The following SVIL variants were observed in gnomAD, a reference collection of about 807,000 sequenced individuals.
SVIL encodes supervillin, also known as archvillin.
In SVIL, 101 loss-of-function variants were observed where a neutral mutation model predicts 240.4. The ratio of observed to expected loss-of-function variants is 0.42; its 90% CI spans 0.36 to 0.50. The LOEUF is 0.50. Ranked by LOEUF, SVIL falls within the 20% of genes least tolerant of loss-of-function variation. The pLI, the probability that SVIL is intolerant of heterozygous loss-of-function variation, is 0.01. For synonymous variants in SVIL, 999 were observed against 1,100.0 expected (o/e 0.91, Z 1.82); for missense variants, 2,512 against 2,818.7 (o/e 0.89, Z 2.46).
rs529895913 is a variant in SVIL, at chr10:29,655,716, G to A, written c.-201+2253C>T. On this transcript the variant is annotated intron_variant, in intron 3 of 35. Transcript: ENST00000375400. Reference sequence around the variant, plus strand: ...CTGTTCACAAATACTGAACAGAAGTGGTGAGAATGGATATCCTTGTCTTGT... The same window carrying A: ...CTGTTCACAAATACTGAACAGAAGTAGTGAGAATGGATATCCTTGTCTTGT... Among the ~76,000 whole-genome samples, 178 of 152,286 alleles carry A rather than the reference G, an allele frequency of 1.2e-3. 1 individual carries two copies. Among genetic ancestry groups the A allele is most frequent in the South Asian group, 0.011 (52 of 4,828 alleles).
rs2132250000 is a variant in SVIL, at chr10:29,457,371, C to T, written c.*876G>A. 1 of 150,634 alleles carries T rather than the reference C, an allele frequency of 6.6e-6. No individual in the cohort carries two copies. The highest frequency in any genetic ancestry group is 3.5e-3 in the Middle Eastern group (1 of 286). The allele number at this position is 150,634 out of a possible 1,614,324, so 9.3% of individuals were successfully genotyped here. ...GAACCAGTTAATTGTTGTGTTTATTCTGATACTTTTATTTGGGAGTCCTAT... is the reference window on the plus strand; with the variant it reads ...GAACCAGTTAATTGTTGTGTTTATTTTGATACTTTTATTTGGGAGTCCTAT... On this transcript the variant is annotated 3_prime_UTR_variant, in exon 38 of 38. Transcript: ENST00000355867.
chr10:29,568,233 A>ATAAG (rs1955149660), intron 2 of SVIL, among the ~76,000 whole-genome samples: 1 of 151,734 alleles, frequency 6.6e-6, no homozygotes, highest in Non-Finnish European at 1.5e-5. Context: ...TAAAAATTAA[A>ATAAG]GCATAAACAC....
chr10:29,626,803 T>C (rs1957889694), intron 1 of SVIL, among the ~76,000 whole-genome samples: 1 of 152,046 alleles, frequency 6.6e-6, no homozygotes, highest in Non-Finnish European at 1.5e-5. Context: ...GGCGGGTGGA[T>C]CACGAGGTCA....
intron 17 of SVIL, among the ~76,000 whole-genome samples, chr10:29,503,033 T>A (rs2132447791): frequency 6.6e-6 from 1 of 152,012 alleles, no homozygotes; most frequent in Admixed American, 6.5e-5. Context: ...GCTTTTAAAA[T>A]TTTTTTTATC....
In SVIL at chr10:29,728,647, C is replaced by G. The variant is rs530110124; in HGVS notation, c.-400+7104G>C. On this transcript the variant is annotated intron_variant, in intron 1 of 35. Transcript: ENST00000375400. The stretch of plus-strand genomic sequence containing the variant: ...AGGAAGGAAGGGAAAAAGAGTAGAG[C>G]AGCCTTGGATAGAAACAAAGCCATG... Among the ~76,000 whole-genome samples the G allele has an allele frequency of 3.2e-4, 49 of 152,240 alleles. No individual in the cohort carries two copies. The South Asian group carries it at 0.01, about 32-fold the overall frequency.
intron 1 of SVIL, among the ~76,000 whole-genome samples, chr10:29,687,108 T>C (rs992829236): frequency 1.3e-5 from 2 of 152,194 alleles, no homozygotes; most frequent in Non-Finnish European, 2.9e-5. Flanking sequence ...CATAGGTAAG[T>C]AAACTTTTTG....
Position 29,457,622 on chromosome 10 carries a change from A to G in SVIL, c.*625T>C, listed in dbSNP as rs1015604079. 4 of 152,676 alleles carry G rather than the reference A, an allele frequency of 2.6e-5. No homozygotes were observed. The highest frequency in any genetic ancestry group is 6.5e-5 in the Admixed American group (1 of 15,288). The allele number at this position is 152,676 out of a possible 1,614,324, so 9.5% of individuals were successfully genotyped here. On this transcript the variant is annotated 3_prime_UTR_variant, in exon 38 of 38. Transcript: ENST00000355867. ...GCATAGATTCTCCAGAGTCCATGCC[A>G]TTAAGTACAAATTCTTTGTTCATTT...
chr10:29,614,504 C>A lies in SVIL; in HGVS notation c.-201+19916G>T, dbSNP rs567361527. Reference sequence around the variant, plus strand: ...CCCTAAAAAAGGATGAGTTCATGTCCTTTGCAGGGACATGGATGAAGCTGG... The same window carrying A: ...CCCTAAAAAAGGATGAGTTCATGTCATTTGCAGGGACATGGATGAAGCTGG... On this transcript the variant is annotated intron_variant, in intron 1 of 37. Transcript: ENST00000355867. Among the ~76,000 whole-genome samples, 224 of 152,268 alleles carry A rather than the reference C, an allele frequency of 1.5e-3. 1 individual carries two copies. Among genetic ancestry groups the A allele is most frequent in the Admixed American group, 3.1e-3 (48 of 15,292 alleles).
chr10:29,729,157 T>A (rs1964456840), intron 1 of SVIL, among the ~76,000 whole-genome samples: 1 of 152,086 alleles, frequency 6.6e-6, no homozygotes, highest in African/African-American at 2.4e-5. Context: ...CTAAGGGAAA[T>A]GGCTCTTATT....
rs984198485 is a variant in SVIL, at chr10:29,532,586, A to G, written c.1781T>C (p.Val594Ala). 5 of 1,613,824 alleles carry G rather than the reference A, an allele frequency of 3.1e-6. No homozygotes were observed. In the African/African-American group the frequency reaches 6.7e-5, roughly 22 times the overall value. The change falls in exon 8 of 38, where the codon GTC (valine) becomes GCC (alanine). Residue 594 changes from valine (V) to alanine (A), a missense_variant. Transcript: ENST00000355867. ...EISMLDTKVSVAQLRSAFLAS... is the reference protein window; with the variant it reads ...EISMLDTKVSAAQLRSAFLAS... ...CAGGAACGCACTTCGGAGCTGGGCG[A>G]CAGAGACTTTTGTGTCCAGCATGCT...
chr10:29,596,487 A>G (rs77286433), intron 1 of SVIL, among the ~76,000 whole-genome samples: 8,213 of 152,142 alleles, frequency 0.054, 361 homozygotes, highest in South Asian at 0.13. Context: ...AGAAAAAAAA[A>G]TTATTTGCCT....
At chr10:29,458,818 A>AT in intron 36 of SVIL, 1 of 306,190 alleles carries the variant, frequency 3.3e-6, no homozygotes, top group Non-Finnish European at 5.9e-6. Context: ...AAAAAATGGT[A>AT]TTTTTTGAGA....
chr10:29,460,245 G>C (rs1260204322), intron 36 of SVIL, among the ~76,000 whole-genome samples: 1 of 152,124 alleles, frequency 6.6e-6, no homozygotes, highest in Non-Finnish European at 1.5e-5. Context: ...TATCTTGATG[G>C]ACTGTTGTGA....
Position 29,624,359 on chromosome 10 carries a change from G to A in SVIL, c.-201+10061C>T, listed in dbSNP as rs181422942. Among the ~76,000 whole-genome samples the A allele has an allele frequency of 4.1e-3, 617 of 152,088 alleles. 6 individuals carry two copies. The highest frequency in any genetic ancestry group is 0.014 in the African/African-American group (588 of 41,516). ...TCAAGACCAGCCTGGCCAACATGGC[G>A]AAACCCCATCTCTACTAAAAATACA... On this transcript the variant is annotated intron_variant, in intron 1 of 37. Coordinates refer to ENST00000355867, the MANE Select transcript of SVIL (RefSeq NM_021738.3).
At chr10:29,583,330 C>T (rs577129659) in intron 1 of SVIL, among the ~76,000 whole-genome samples, 68 of 152,262 alleles carry the variant, frequency 4.5e-4, no homozygotes, top group South Asian at 1.0e-3. Context: ...CAGGGTCTGG[C>T]TCTGTTGCCC....
At chr10:29,702,554 G>A (rs547442101) in intron 1 of SVIL, among the ~76,000 whole-genome samples, 15 of 152,282 alleles carry the variant, frequency 9.9e-5, no homozygotes, top group Middle Eastern at 6.8e-3. Flanking sequence ...ACACGTTCAC[G>A]AGGTTTATCA....
chr10:29,629,043 G>C (rs908373774), intron 1 of SVIL, among the ~76,000 whole-genome samples: 6 of 151,638 alleles, frequency 4.0e-5, no homozygotes, highest in Non-Finnish European at 7.4e-5. Context: ...TGTCCAAGAG[G>C]AGAAGACAGA....
At chr10:29,638,760 T>G (rs552126024), upstream of SVIL, among the ~76,000 whole-genome samples, 13 of 152,324 alleles carry the variant, frequency 8.5e-5, no homozygotes, top group Admixed American at 8.5e-4. Context: ...ATGTGTTTAT[T>G]TAGCAGGCTG....
At chr10:29,601,256 A>G (rs2488681) in intron 1 of SVIL, among the ~76,000 whole-genome samples, 77,342 of 152,066 alleles carry the variant, frequency 0.51, 20,040 homozygotes, top group Non-Finnish European at 0.52. Flanking sequence ...TACATGCCAC[A>G]TTTTAACCTA....
Sources: allele counts gnomAD v4.1 joint callset (sites outside exome capture counted in the v4.1 genomes callset), GRCh38; gene constraint gnomAD v4.1.1; transcripts MANE v1.5; gene names NCBI Gene and HGNC (gene_info 2026-07-23, HGNC 2026-07-21).